Variants in NDUFA9 observed in about 807,000 individuals in gnomAD.
NDUFA9 encodes the protein NADH:ubiquinone oxidoreductase subunit A9.
In NDUFA9, 23 loss-of-function variants were observed where a neutral mutation model predicts 45.9. That is an observed-to-expected ratio of 0.50 (90% CI 0.36 to 0.71). NDUFA9 has a LOEUF of 0.71. Among genes scored for constraint, NDUFA9 ranks in the 30% least tolerant of loss-of-function variants. The pLI is 0.00. For synonymous variants in NDUFA9, 176 were observed against 170.5 expected (o/e 1.03, Z -0.25); for missense variants, 466 against 488.2 (o/e 0.95, Z 0.43).
intron 8 of NDUFA9, among the ~76,000 whole-genome samples, chr12:4,675,116 G>A (rs1022057594): frequency 3.9e-5 from 6 of 152,250 alleles, no homozygotes; most frequent in South Asian, 2.1e-4. Context: ...CTTTGAAACC[G>A]ATGAGAACAA....
At chr12:4,672,147 A>G (rs1320888710) in intron 8 of NDUFA9, among the ~76,000 whole-genome samples, 1 of 152,002 alleles carries the variant, frequency 6.6e-6, no homozygotes, top group Non-Finnish European at 1.5e-5. Context: ...GGGTCGGGGA[A>G]CTCCCTCTCC....
chr12:4,668,686 CTG>C, intron 7 of NDUFA9, 162 bp downstream of exon 7: 1 of 645,622 alleles, frequency 1.5e-6, no homozygotes, highest in South Asian at 1.9e-5. Flanking sequence ...CATGCCTTCT[CTG>C]TGTCTTCACT....
chr12:4,655,188 C>T (rs1945782739), intron 3 of NDUFA9: 2 of 354,922 alleles, frequency 5.6e-6, no homozygotes, highest in South Asian at 5.0e-5. Flanking sequence ...CATAATTACT[C>T]AGCTCTGCCC....
chr12:4,658,428 C>T (rs1477975811), intron 4 of NDUFA9, among the ~76,000 whole-genome samples: 1 of 141,328 alleles, frequency 7.1e-6, no homozygotes, highest in Middle Eastern at 3.8e-3. Context: ...ACTTTTTATC[C>T]CCCCTAATGA....
At chr12:4,664,896 T>C (rs1214898338) in intron 6 of NDUFA9, among the ~76,000 whole-genome samples, 1 of 152,244 alleles carries the variant, frequency 6.6e-6, no homozygotes, top group Non-Finnish European at 1.5e-5. Flanking sequence ...TTGGGAGTTG[T>C]TACCCTTTCT....
At chr12:4,671,393 C>T (rs543048281) in intron 8 of NDUFA9, among the ~76,000 whole-genome samples, 4 of 152,048 alleles carry the variant, frequency 2.6e-5, no homozygotes, top group African/African-American at 9.6e-5. Flanking sequence ...ATTTTATTCA[C>T]AGCAGCATAA....
rs1028024423 is a variant in NDUFA9 at position 4,690,953 on chromosome 12, A to T, written c.*3845A>T. ...ACAGCATGAGCAATTGCAGTGGGGC[A>T]TGAATGAGTGGGTGGTTATGAGTGG... On this transcript the variant is annotated 3_prime_UTR_variant, in exon 11 of 11. Transcript: ENST00000266544. The T allele has an allele frequency of 1.3e-5, 2 of 152,234 alleles. No homozygotes were observed. The highest frequency in any genetic ancestry group is 4.8e-5 in the African/African-American group (2 of 41,418). 9.4% of individuals were successfully genotyped at this position (152,234 alleles called of 1,614,324 possible). A position where few individuals can be genotyped will look rare whatever the true frequency, so the allele number is the denominator to read the frequency against.
rs535005272 is a variant in NDUFA9, at chr12:4,690,889, G to T, written c.*3781G>T. The T allele has an allele frequency of 6.6e-6, 1 of 152,176 alleles. No individual in the cohort carries two copies. The highest frequency in any genetic ancestry group is 1.5e-5 in the Non-Finnish European group (1 of 68,042). 9.4% of individuals were successfully genotyped at this position (152,176 alleles called of 1,614,324 possible). A position where few individuals can be genotyped will look rare whatever the true frequency, so the allele number is the denominator to read the frequency against. ...CCTGCTGAAATGTGTGTGTTGGACCGGGGTGAGGAGGAAGCAGTCATTCAT... is the reference window on the plus strand; with the variant it reads ...CCTGCTGAAATGTGTGTGTTGGACCTGGGTGAGGAGGAAGCAGTCATTCAT... On this transcript the variant is annotated 3_prime_UTR_variant, in exon 11 of 11. Coordinates refer to ENST00000266544, the MANE Select transcript of NDUFA9 (RefSeq NM_005002.5).
At chr12:4,653,097 T>G (rs898387962) in intron 1 of NDUFA9, among the ~76,000 whole-genome samples, 1 of 152,258 alleles carries the variant, frequency 6.6e-6, no homozygotes, top group Non-Finnish European at 1.5e-5. Context: ...TTGTTTCTAC[T>G]TACATGAAAG....
At chr12:4,685,612 A>G (rs908774758) in intron 10 of NDUFA9, among the ~76,000 whole-genome samples, 1 of 150,554 alleles carries the variant, frequency 6.6e-6, no homozygotes, top group South Asian at 2.1e-4. Flanking sequence ...TCCTCCCATC[A>G]CTCTTCCAGC....
chr12:4,658,887 G>A, intron 4 of NDUFA9, 149 bp from the exon 5 acceptor site: 6 of 810,694 alleles, frequency 7.4e-6, no homozygotes, highest in Non-Finnish European at 1.1e-5. Flanking sequence ...ACCACACCTG[G>A]CCAAATTTAG....
Position 4,693,444 on chromosome 12 carries a change from C to G in NDUFA9, c.*6336C>G, listed in dbSNP as rs1451975756. 1 of 152,226 alleles carries G rather than the reference C, an allele frequency of 6.6e-6. No individual in the cohort carries two copies. The highest frequency in any genetic ancestry group is 2.4e-5 in the African/African-American group (1 of 41,450). The allele number at this position is 152,226 out of a possible 1,614,324, so 9.4% of individuals were successfully genotyped here. A position where few individuals can be genotyped will look rare whatever the true frequency, so the allele number is the denominator to read the frequency against. ...CAAGAAGACCCTGTGGCTGGCTACT[C>G]TTCTGTATTTTCATTTATCTCCACC... On this transcript the variant is annotated 3_prime_UTR_variant, in exon 11 of 11. Coordinates refer to ENST00000266544, the MANE Select transcript of NDUFA9 (RefSeq NM_005002.5).
chr12:4,677,937 A>C (rs1028817019), intron 8 of NDUFA9, among the ~76,000 whole-genome samples: 2 of 152,214 alleles, frequency 1.3e-5, no homozygotes, highest in East Asian at 1.9e-4. Flanking sequence ...CCACATATAC[A>C]CCATGGAATA....
At position 4,691,920 on chromosome 12, in the gene NDUFA9, G is replaced by A. The variant is rs998509700; in HGVS notation, c.*4812G>A. The A allele has an allele frequency of 2.0e-5, 3 of 152,052 alleles. No homozygotes were observed. Among genetic ancestry groups the A allele is most frequent in the African/African-American group, 4.8e-5 (2 of 41,378 alleles). 9.4% of individuals were successfully genotyped at this position (152,052 alleles called of 1,614,324 possible). On this transcript the variant is annotated 3_prime_UTR_variant, in exon 11 of 11. Transcript: ENST00000266544. The stretch of plus-strand genomic sequence containing the variant: ...AAGTAGTCCTGCAGCTTGGAGCAAG[G>A]TGCCCACCAAAGTTAGGCACATCCC...
At chr12:4,672,444 G>T (rs908082342) in intron 8 of NDUFA9, among the ~76,000 whole-genome samples, 1 of 152,226 alleles carries the variant, frequency 6.6e-6, no homozygotes. Context: ...GGCTCAGCGG[G>T]TCCCACCCCC....
rs767821094 is a variant in NDUFA9, at chr12:4,654,329, C to A, written c.87C>A (p.His29Gln). The change falls in exon 2 of 11, where the codon CAC (histidine) becomes CAA (glutamine). Residue 29 changes from histidine to glutamine, a missense_variant. Coordinates refer to ENST00000266544, the MANE Select transcript of NDUFA9 (RefSeq NM_005002.5). Reference protein sequence around the residue: ...AITAIATSVCHGPPCRQLHHA... With the variant: ...AITAIATSVCQGPPCRQLHHA... Reference sequence around the variant, plus strand: ...CTGCAATAGCCACATCTGTGTGTCACGGCCCACCCTGTCGCCAGCTTCATC... The same window carrying A: ...CTGCAATAGCCACATCTGTGTGTCAAGGCCCACCCTGTCGCCAGCTTCATC... The A allele has an allele frequency of 6.2e-7, 1 of 1,614,130 alleles. No homozygotes were observed. The highest frequency in any genetic ancestry group is 8.5e-7 in the Non-Finnish European group (1 of 1,179,986).
chr12:4,670,343 T>G (rs1280133227), intron 8 of NDUFA9, among the ~76,000 whole-genome samples: 1 of 152,212 alleles, frequency 6.6e-6, no homozygotes, highest in African/African-American at 2.4e-5. Context: ...CTAAATCATG[T>G]GACAGCTAAG....
At chr12:4,664,223 A>G (rs977524247) in intron 6 of NDUFA9, among the ~76,000 whole-genome samples, 2 of 152,246 alleles carry the variant, frequency 1.3e-5, no homozygotes, top group African/African-American at 4.8e-5. Context: ...GAACACTAAG[A>G]GTGTGGCTGA....
intron 8 of NDUFA9, among the ~76,000 whole-genome samples, chr12:4,681,566 TTATA>T (rs1478389698): frequency 1.3e-5 from 2 of 148,850 alleles, no homozygotes; most frequent in African/African-American, 4.9e-5. Flanking sequence ...GGGGGCATTC[TTATA>T]TATAATTACA....
Sources: gnomAD v4.1 joint callset for allele counts (sites outside exome capture counted in the v4.1 genomes callset) on GRCh38, gnomAD v4.1.1 for gene constraint, MANE v1.5 for transcripts, NCBI Gene and HGNC (gene_info 2026-07-23, HGNC 2026-07-21) for gene names.